The following SGCZ variants were observed in gnomAD, a reference collection of about 807,000 sequenced individuals.
SGCZ encodes sarcoglycan zeta.
In SGCZ, 40 loss-of-function variants were observed where a neutral mutation model predicts 41.3. That is an observed-to-expected ratio of 0.97 (90% CI 0.75 to 1.26). The LOEUF (loss-of-function observed/expected upper bound fraction) is 1.26. SGCZ is among the 50% of genes most tolerant of loss of function. The pLI is 0.00. For synonymous variants in SGCZ, 206 were observed against 137.5 expected (o/e 1.50, Z -3.49); for missense variants, 552 against 369.8 (o/e 1.49, Z -4.04).
At chr8:14,308,860 T>C (rs1321486201) in intron 3 of SGCZ, among the ~76,000 whole-genome samples, 1 of 152,120 alleles carries the variant, frequency 6.6e-6, no homozygotes, top group East Asian at 1.9e-4. Context: ...ATGAAGCCCT[T>C]TCTTCAGTTA....
intron 2 of SGCZ, among the ~76,000 whole-genome samples, chr8:14,504,795 C>A (rs1021255234): frequency 6.6e-6 from 1 of 152,038 alleles, no homozygotes; most frequent in East Asian, 1.9e-4. Flanking sequence ...CAGCTGAAAC[C>A]TTTTTGTGAT....
chr8:15,005,844 G>C (rs886543298), intron 1 of SGCZ, among the ~76,000 whole-genome samples: 13 of 152,148 alleles, frequency 8.5e-5, no homozygotes, highest in South Asian at 2.1e-4. Flanking sequence ...AGGTTTGACT[G>C]TTTCATTGTA....
chr8:14,145,213 C>T (rs1471354796), intron 5 of SGCZ, among the ~76,000 whole-genome samples: 1 of 152,130 alleles, frequency 6.6e-6, no homozygotes, highest in Admixed American at 6.5e-5. Context: ...TACTCTACCC[C>T]CAGCTTCAGG....
At chr8:14,132,011 A>G (rs1466481029) in intron 5 of SGCZ, among the ~76,000 whole-genome samples, 1 of 152,168 alleles carries the variant, frequency 6.6e-6, no homozygotes, top group Non-Finnish European at 1.5e-5. Flanking sequence ...CTCAGGATGC[A>G]TGCCTGTTGA....
chr8:15,194,707 G>C (rs1013497717), intron 1 of SGCZ, among the ~76,000 whole-genome samples: 1 of 152,118 alleles, frequency 6.6e-6, no homozygotes, highest in African/African-American at 2.4e-5. Flanking sequence ...GATGGAGGAG[G>C]ACCATAAGCC....
intron 1 of SGCZ, among the ~76,000 whole-genome samples, chr8:15,044,958 C>T (rs1051403055): frequency 1.3e-5 from 2 of 151,984 alleles, no homozygotes; most frequent in African/African-American, 2.4e-5. Context: ...ATTTGTACTA[C>T]AAAAAGTAAA....
intron 1 of SGCZ, among the ~76,000 whole-genome samples, chr8:14,909,831 C>CTAGAAA (rs1799231452): frequency 6.6e-6 from 1 of 152,044 alleles, no homozygotes; most frequent in Admixed American, 6.6e-5. Context: ...ATTCTGTCAT[C>CTAGAAA]CAGAAACCAA....
chr8:14,886,112 T>C (rs904152145), intron 1 of SGCZ, among the ~76,000 whole-genome samples: 56 of 149,272 alleles, frequency 3.8e-4, no homozygotes, highest in African/African-American at 1.3e-3. Flanking sequence ...CCACTTAATA[T>C]TCTATCCCAT....
intron 3 of SGCZ, among the ~76,000 whole-genome samples, chr8:14,265,210 A>G (rs1232979632): frequency 6.6e-6 from 1 of 152,194 alleles, no homozygotes; most frequent in Non-Finnish European, 1.5e-5. Context: ...TGTCCTGAGA[A>G]TACCAGTCAT....
intron 1 of SGCZ, among the ~76,000 whole-genome samples, chr8:14,809,445 A>T (rs1191536806): frequency 6.6e-6 from 1 of 152,186 alleles, no homozygotes; most frequent in Non-Finnish European, 1.5e-5. Context: ...TTAAAAACAC[A>T]AAGTGTCCTG....
At chr8:14,478,985 TCTAA>T (rs1399243619) in intron 2 of SGCZ, among the ~76,000 whole-genome samples, 3 of 152,178 alleles carry the variant, frequency 2.0e-5, no homozygotes, top group Non-Finnish European at 4.4e-5. Flanking sequence ...TGCCCACCCC[TCTAA>T]CTGTGACTAG....
At chr8:14,926,966 C>A (rs1282812564) in intron 1 of SGCZ, among the ~76,000 whole-genome samples, 2 of 151,658 alleles carry the variant, frequency 1.3e-5, no homozygotes, top group East Asian at 3.9e-4. Flanking sequence ...GGAGAAATGA[C>A]ATCAAAAGTC....
chr8:14,252,746 T>C (rs2117210742), intron 3 of SGCZ, among the ~76,000 whole-genome samples: 1 of 152,298 alleles, frequency 6.6e-6, no homozygotes, highest in South Asian at 2.1e-4. Flanking sequence ...CTGATGTTCC[T>C]TTTCCTGTTT....
chr8:14,364,622 C>T (rs552049027), intron 2 of SGCZ, among the ~76,000 whole-genome samples: 3 of 152,014 alleles, frequency 2.0e-5, no homozygotes, highest in African/African-American at 7.2e-5. Flanking sequence ...AGATGCTATG[C>T]GTTATCATAT....
rs1805827893 is a variant in SGCZ at position 15,083,410 on chromosome 8, A to G, written c.39+154175T>C. Among the ~76,000 whole-genome samples, 3 of 152,248 alleles carry G rather than the reference A, an allele frequency of 2.0e-5. No individual in the cohort carries two copies. The South Asian group carries it at 6.2e-4, about 31-fold the overall frequency. The stretch of plus-strand genomic sequence containing the variant: ...TTTCATTAAACAAAATATCTAAGGT[A>G]AATTATTTGCCAAATTAAAAATTTC... On this transcript the variant is annotated intron_variant, in intron 1 of 7. Transcript: ENST00000382080.
intron 1 of SGCZ, among the ~76,000 whole-genome samples, chr8:14,601,818 C>G (rs987799645): frequency 6.6e-6 from 1 of 152,104 alleles, no homozygotes; most frequent in Non-Finnish European, 1.5e-5. Context: ...TTTAATTAAT[C>G]CTTAAAACCT....
chr8:14,166,296 G>T (rs1244422434), intron 4 of SGCZ, among the ~76,000 whole-genome samples: 1 of 151,972 alleles, frequency 6.6e-6, no homozygotes, highest in Non-Finnish European at 1.5e-5. Flanking sequence ...ATTGTCCTTG[G>T]TCATAGTTGT....
chr8:14,137,538 G>A (rs1803237541), intron 5 of SGCZ, among the ~76,000 whole-genome samples: 1 of 152,186 alleles, frequency 6.6e-6, no homozygotes, highest in South Asian at 2.1e-4. Context: ...GCATGCACAA[G>A]CTTCTGTAGA....
chr8:14,739,603 A>G (rs1799140914), intron 1 of SGCZ, among the ~76,000 whole-genome samples: 1 of 152,080 alleles, frequency 6.6e-6, no homozygotes, highest in African/African-American at 2.4e-5. Flanking sequence ...CTCAATTTTA[A>G]TGTAAATTCT....
Sources: allele counts gnomAD v4.1 joint callset (sites outside exome capture counted in the v4.1 genomes callset), GRCh38; gene constraint gnomAD v4.1.1; transcripts MANE v1.5; gene names NCBI Gene and HGNC (gene_info 2026-07-23, HGNC 2026-07-21).